Variants in CNBD2 observed in about 807,000 individuals in gnomAD.
CNBD2 encodes the protein cyclic nucleotide-binding domain-containing protein 2.
A neutral mutation model predicts 63.7 loss-of-function variants in CNBD2; 64 were observed. The observed-to-expected ratio is 1.00, with a 90% CI of 0.82 to 1.24. The LOEUF (loss-of-function observed/expected upper bound fraction) is 1.24, where lower values mean the gene tolerates loss of function less well. CNBD2 is among the 50% of genes most tolerant of loss of function. The probability of loss-of-function intolerance (pLI) is 0.00; values close to 1 mark genes in which losing one functional copy is unlikely to be tolerated. For synonymous variants in CNBD2, 229 were observed against 255.4 expected (o/e 0.90, Z 0.99); for missense variants, 691 against 713.5 (o/e 0.97, Z 0.36).
chr20:35,990,970 TATCTC>T (rs2056739966), intron 7 of CNBD2, among the ~76,000 whole-genome samples: 1 of 152,118 alleles, frequency 6.6e-6, no homozygotes, highest in Non-Finnish European at 1.5e-5. Flanking sequence ...AAAAAGCTAT[TATCTC>T]ATTCATCATA....
chr20:36,013,821 A>C (rs1377531228), intron 10 of CNBD2, among the ~76,000 whole-genome samples: 5 of 152,204 alleles, frequency 3.3e-5, no homozygotes, highest in African/African-American at 9.7e-5. Context: ...AATGGATTAG[A>C]GTTGAAAACA....
Position 35,984,794 on chromosome 20 carries a change from T to C in CNBD2, c.716+16T>C. On this transcript the variant is annotated intron_variant, in intron 6 of 11. Coordinates refer to ENST00000373973, the MANE Select transcript of CNBD2 (RefSeq NM_001365709.1). The stretch of plus-strand genomic sequence containing the variant: ...AATTTTTTAGGTAACTCTGCCTTCA[T>C]TCAACATTTTTTTCCCCTTGTGTGT... 1 of 1,613,660 alleles carries C rather than the reference T, an allele frequency of 6.2e-7. No individual in the cohort carries two copies. The highest frequency in any genetic ancestry group is 2.2e-5 in the East Asian group (1 of 44,862).
chr20:35,967,956 C>G (rs6060726), upstream of CNBD2, among the ~76,000 whole-genome samples: 1 of 152,094 alleles, frequency 6.6e-6, no homozygotes, highest in African/African-American at 2.4e-5. Flanking sequence ...CAAGGGTGAG[C>G]CAGTGGTGTT....
chr20:35,954,417 T>C (rs1384090362), upstream of CNBD2: 4 of 1,552,212 alleles, frequency 2.6e-6, no homozygotes, highest in Middle Eastern at 1.7e-4. Flanking sequence ...GGAGTCGGAC[T>C]CGGGACCGGC....
At chr20:35,976,687 T>G (rs536353883) in intron 3 of CNBD2, among the ~76,000 whole-genome samples, 30 of 152,292 alleles carry the variant, frequency 2.0e-4, no homozygotes, top group African/African-American at 7.2e-4. Context: ...CTCATCATTG[T>G]TATCTTCTTG....
chr20:36,023,903 C>T (rs2057252306), intron 11 of CNBD2, 132 bp downstream of exon 11: 1 of 713,832 alleles, frequency 1.4e-6, no homozygotes, highest in Non-Finnish European at 2.3e-6. Context: ...GTTGTTGGTA[C>T]ACTCTAGATA....
intron 10 of CNBD2, among the ~76,000 whole-genome samples, chr20:36,012,468 A>C (rs2057074757): frequency 7.2e-6 from 1 of 138,666 alleles, no homozygotes; most frequent in Non-Finnish European, 1.5e-5. Flanking sequence ...CAAGAGCGAA[A>C]CTCCATCTCA....
chr20:36,027,412 C>A (rs939420361), intron 11 of CNBD2, among the ~76,000 whole-genome samples: 3 of 152,130 alleles, frequency 2.0e-5, no homozygotes, highest in Non-Finnish European at 4.4e-5. Flanking sequence ...GCTTTTGACT[C>A]CAATCAGCAA....
At chr20:35,974,911 G>T (rs889174216) in intron 2 of CNBD2, 3 of 152,220 alleles carry the variant, frequency 2.0e-5, no homozygotes, top group Non-Finnish European at 4.4e-5. Flanking sequence ...ATGGAGTAAG[G>T]CAGGGAGGAT....
chr20:35,971,316 T>G (rs964205576), intron 1 of CNBD2, among the ~76,000 whole-genome samples: 38 of 152,232 alleles, frequency 2.5e-4, no homozygotes, highest in Admixed American at 2.3e-3. Context: ...ATGACATATC[T>G]TTCTTAAAAA....
chr20:36,014,423 G>A (rs2057107474), intron 10 of CNBD2, among the ~76,000 whole-genome samples: 1 of 145,892 alleles, frequency 6.9e-6, no homozygotes, highest in African/African-American at 2.5e-5. Flanking sequence ...TCTGCCTCCT[G>A]GGTTCAAGTG....
chr20:35,973,713 G>C (rs1318433241), intron 2 of CNBD2: 8 of 152,136 alleles, frequency 5.3e-5, no homozygotes, highest in Admixed American at 5.2e-4. Flanking sequence ...CTGGCCTGGT[G>C]ACCAGGTTTC....
intron 2 of CNBD2, chr20:35,974,156 T>TA (rs1481748447): frequency 6.5e-6 from 1 of 153,704 alleles, no homozygotes; most frequent in Non-Finnish European, 1.5e-5. Flanking sequence ...AGAGGAAAGA[T>TA]ACACCTCATC....
At chr20:35,969,839 A>G (rs565682674) in intron 1 of CNBD2, among the ~76,000 whole-genome samples, 9 of 152,218 alleles carry the variant, frequency 5.9e-5, no homozygotes, top group Non-Finnish European at 1.2e-4. Flanking sequence ...CAATTCTTCC[A>G]TTGTGAAGTA....
Position 36,001,270 on chromosome 20 carries a change from G to A in CNBD2, c.970+6118G>A, listed in dbSNP as rs1437321459. On this transcript the variant is annotated intron_variant, in intron 8 of 11. Coordinates refer to ENST00000373973, the MANE Select transcript of CNBD2 (RefSeq NM_001365709.1). ...CTGTTGGGTACACCTCCCAGACGGG[G>A]TGGTGGCCGGGCAGAGGGGCTCCTC... Among the ~76,000 whole-genome samples the A allele has an allele frequency of 2.6e-5, 4 of 151,540 alleles. No homozygotes were observed. In the East Asian group the frequency reaches 7.8e-4, roughly 30 times the overall value.
intron 10 of CNBD2, among the ~76,000 whole-genome samples, chr20:36,022,225 A>G (rs1601104696): frequency 1.6e-5 from 1 of 62,818 alleles, no homozygotes; most frequent in Admixed American, 2.2e-4. Context: ...TTTGAGATGG[A>G]GTCTCGCTCT....
At chr20:35,969,217 A>G (rs760810581) in intron 1 of CNBD2, among the ~76,000 whole-genome samples, 1 of 152,088 alleles carries the variant, frequency 6.6e-6, no homozygotes, top group Non-Finnish European at 1.5e-5. Flanking sequence ...CTGTGCCTTT[A>G]TTTTCTCCTC....
intron 8 of CNBD2, among the ~76,000 whole-genome samples, chr20:36,006,453 G>A (rs1003105802): frequency 6.6e-5 from 10 of 152,124 alleles, no homozygotes; most frequent in Non-Finnish European, 1.3e-4. Context: ...GTTTCACTTT[G>A]TCACCCAGTC....
At chr20:35,957,500 C>G (rs778546211), downstream of CNBD2, among the ~76,000 whole-genome samples, 1 of 151,958 alleles carries the variant, frequency 6.6e-6, no homozygotes, top group Non-Finnish European at 1.5e-5. Flanking sequence ...GAAAGATTGG[C>G]AGTATGTACA....
Sources: gnomAD v4.1 joint callset for allele counts (sites outside exome capture counted in the v4.1 genomes callset) on GRCh38, gnomAD v4.1.1 for gene constraint, MANE v1.5 for transcripts, NCBI Gene and HGNC (gene_info 2026-07-23, HGNC 2026-07-21) for gene names.